The following NCAN variants were observed in gnomAD, a reference collection of about 807,000 sequenced individuals.
NCAN encodes the protein neurocan.
NCAN carries 47 observed loss-of-function variants against 121.8 expected under a neutral mutation model. The ratio of observed to expected loss-of-function variants is 0.39; its 90% CI spans 0.31 to 0.49. NCAN has a LOEUF of 0.49. Ranked by LOEUF, NCAN falls within the 20% of genes least tolerant of loss-of-function variation. The probability of loss-of-function intolerance (pLI) is 0.92; values close to 1 mark genes in which losing one functional copy is unlikely to be tolerated. For synonymous variants in NCAN, 633 were observed against 702.0 expected (o/e 0.90, Z 1.55); for missense variants, 1,517 against 1,773.4 (o/e 0.86, Z 2.60).
intron 12 of NCAN, among the ~76,000 whole-genome samples, chr19:19,244,028 A>G (rs1038297317): frequency 2.6e-5 from 4 of 152,200 alleles, no homozygotes; most frequent in Non-Finnish European, 5.9e-5. Context: ...AAACAAAACA[A>G]AACAAAACAA....
At chr19:19,228,740 G>A in intron 8 of NCAN, 101 bp downstream of exon 8, 1 of 1,330,094 alleles carries the variant, frequency 7.5e-7, no homozygotes, top group Non-Finnish European at 1.0e-6. Context: ...TTGTCCCTGG[G>A]GATCTGGAAG....
In NCAN at chr19:19,242,777, C is replaced by T. The variant is rs139848529; in HGVS notation, c.3492+2092C>T. Among the ~76,000 whole-genome samples, 91 of 152,304 alleles carry T rather than the reference C, an allele frequency of 6.0e-4. 1 individual carries two copies. Among genetic ancestry groups the T allele is most frequent in the African/African-American group, 1.9e-3 (79 of 41,572 alleles). On this transcript the variant is annotated intron_variant, in intron 12 of 14. Coordinates refer to ENST00000252575, the MANE Select transcript of NCAN (RefSeq NM_004386.3). Reference sequence around the variant, plus strand: ...CCAAGGTGGGAACATCCAAAATACCCATCAACAGATGAAGGAAGAGACAAA... The same window carrying T: ...CCAAGGTGGGAACATCCAAAATACCTATCAACAGATGAAGGAAGAGACAAA...
chr19:19,241,074 G>A (rs2060901732), intron 12 of NCAN, among the ~76,000 whole-genome samples: 1 of 151,886 alleles, frequency 6.6e-6, no homozygotes, highest in South Asian at 2.1e-4. Context: ...TGGCCAACAT[G>A]GTGAAACCCC....
rs1411747925 is a variant in NCAN, at chr19:19,212,035, GC to G, written c.-33del. ...GCAGCGTCCTTTGTGCCCGGCGGCCGCCCCGGGATGCGTCCGAGCTAGGAGC... is the reference window on the plus strand; with the variant it reads ...GCAGCGTCCTTTGTGCCCGGCGGCCGCCCGGGATGCGTCCGAGCTAGGAGC... On this transcript the variant is annotated 5_prime_UTR_variant, in exon 1 of 15. Coordinates refer to ENST00000252575, the MANE Select transcript of NCAN (RefSeq NM_004386.3). This position sits in a 1 kb window ranked among gnomAD's most constrained non-coding sequence, Gnocchi z 4.5. The G allele has an allele frequency of 2.3e-5, 5 of 212,962 alleles. No homozygotes were observed. Among genetic ancestry groups the G allele is most frequent in the South Asian group, 4.3e-5 (1 of 23,224 alleles). The allele number at this position is 212,962 out of a possible 1,614,324, so 13.2% of individuals were successfully genotyped here.
In NCAN at chr19:19,212,905, C is replaced by T. The variant is rs1374589525; in HGVS notation, c.-8+841C>T. Among the ~76,000 whole-genome samples the T allele has an allele frequency of 1.3e-5, 2 of 152,188 alleles. No homozygotes were observed. The highest frequency in any genetic ancestry group is 2.4e-5 in the African/African-American group (1 of 41,452). ...CACGTCCTTACAGCATGACACAGAC[C>T]CCTACCCCCACCCCCTTTAGTTCCA... On this transcript the variant is annotated intron_variant, in intron 1 of 14. Coordinates refer to ENST00000252575, the MANE Select transcript of NCAN (RefSeq NM_004386.3). The surrounding 1 kb of genome is among the most constrained non-coding windows in gnomAD (Gnocchi z 4.5).
rs1442036650 is a variant in NCAN, at chr19:19,238,282, A to G, written c.3280A>G (p.Lys1094Glu). ...CGAGGGCTGTGACCGCGGCTGGCAT[A>G]AGTTCCAGGGCCACTGTTACCGCTA... The part of the protein sequence containing the change: ...DTEGCDRGWH[K>E]FQGHCYRYFA... The change falls in exon 11 of 15, where the codon AAG becomes GAG. Residue 1094 changes from lysine to glutamate, a missense_variant. Physicochemically the swap from Lys to Glu is moderately conservative, Grantham distance 56. Transcript: ENST00000252575. 1.1e-5 allele frequency: 17 copies of G among 1,614,024 alleles called. No homozygotes were observed. The highest frequency in any genetic ancestry group is 1.4e-5 in the Non-Finnish European group (17 of 1,180,022).
chr19:19,219,145 A>G lies in NCAN; in HGVS notation c.304A>G (p.Arg102Gly). 1 of 1,613,886 alleles carries G rather than the reference A, an allele frequency of 6.2e-7. No individual in the cohort carries two copies. Among genetic ancestry groups the G allele is most frequent in the Middle Eastern group, 1.6e-4 (1 of 6,062 alleles). ...CCTGGTGGCCAAGGACAATGTCGTG[A>G]GGGTGGCCAAAAGCTGGCAGGGACG... ...PILVAKDNVV[R>G]VAKSWQGRVS... The change falls in exon 3 of 15, where the codon AGG becomes GGG. Residue 102 changes from arginine (R) to glycine (G), a missense_variant. Arg to Gly is a moderately radical substitution (Grantham distance 125). Coordinates refer to ENST00000252575, the MANE Select transcript of NCAN (RefSeq NM_004386.3).
chr19:19,242,344 G>C (rs2060906148), intron 12 of NCAN, among the ~76,000 whole-genome samples: 1 of 151,700 alleles, frequency 6.6e-6, no homozygotes, highest in Non-Finnish European at 1.5e-5. Context: ...AGCTATGATT[G>C]CACCACTGCA....
intron 3 of NCAN, among the ~76,000 whole-genome samples, chr19:19,221,100 T>C (rs1392934831): frequency 6.6e-6 from 1 of 151,146 alleles, no homozygotes; most frequent in Non-Finnish European, 1.5e-5. Context: ...ATTAGCCAGG[T>C]ATGATGGTGT....
At chr19:19,238,171 C>T (rs761386766) in intron 10 of NCAN, 82 bp from the exon 11 acceptor site, 95 of 1,582,230 alleles carry the variant, frequency 6.0e-5, no homozygotes, top group Non-Finnish European at 7.1e-5. Context: ...TGGGCCCTCT[C>T]TCTGGTGGGC....
intron 1 of NCAN, among the ~76,000 whole-genome samples, chr19:19,213,540 C>T (rs1028307833): frequency 1.4e-5 from 2 of 144,580 alleles, no homozygotes; most frequent in Non-Finnish European, 3.0e-5. Context: ...GGGTGTGTGT[C>T]TTTGTGCAGA....
Position 19,219,341 on chromosome 19 carries a change from CG to C in NCAN, c.475+30del, listed in dbSNP as rs1568594335. 9 of 1,447,812 alleles carry C rather than the reference CG, an allele frequency of 6.2e-6. No individual in the cohort carries two copies. The East Asian group carries it at 1.5e-4, about 24-fold the overall frequency. The allele number at this position is 1,447,812 out of a possible 1,614,324, so 89.7% of individuals were successfully genotyped here. Reference sequence around the variant, plus strand: ...GGTCAGTTGGGGGCAAAGGAGGGGCCGGGGGCCGGGGAGAGGGAGGGCTGAG... The same window carrying C: ...GGTCAGTTGGGGGCAAAGGAGGGGCCGGGGCCGGGGAGAGGGAGGGCTGAG... On this transcript the variant is annotated intron_variant, in intron 3 of 14. Coordinates refer to ENST00000252575, the MANE Select transcript of NCAN (RefSeq NM_004386.3).
intron 5 of NCAN, 40 bp downstream of exon 5, chr19:19,224,473 C>CT (rs2060827929): frequency 6.3e-7 from 1 of 1,598,560 alleles, no homozygotes; most frequent in Admixed American, 1.7e-5. Flanking sequence ...CTCCGCCTCT[C>CT]TTTGAGTATC....
Position 19,227,154 on chromosome 19 carries a change from T to A in NCAN, c.1660+81T>A. 3 of 1,490,646 alleles carry A rather than the reference T, an allele frequency of 2.0e-6. No homozygotes were observed. Among genetic ancestry groups the A allele is most frequent in the Non-Finnish European group, 2.7e-6 (3 of 1,121,498 alleles). The allele number at this position is 1,490,646 out of a possible 1,614,324, so 92.3% of individuals were successfully genotyped here. On this transcript the variant is annotated intron_variant, in intron 7 of 14. Transcript: ENST00000252575. This position sits in a 1 kb window ranked among gnomAD's most constrained non-coding sequence, Gnocchi z 4.2. The stretch of plus-strand genomic sequence containing the variant: ...GAGGTAGCCATGGCTACACTCAGAA[T>A]GAGGGAGGAAGCTCCAAATCCCAGC...
chr19:19,242,100 C>T (rs1001781186), intron 12 of NCAN, among the ~76,000 whole-genome samples: 1 of 151,936 alleles, frequency 6.6e-6, no homozygotes, highest in African/African-American at 2.4e-5. Context: ...GAGGCTGAGG[C>T]AGGAGAATCA....
intron 12 of NCAN, among the ~76,000 whole-genome samples, chr19:19,241,727 C>T (rs920643790): frequency 4.0e-5 from 6 of 151,750 alleles, no homozygotes; most frequent in African/African-American, 9.7e-5. Flanking sequence ...CATGACCCAG[C>T]GATTCTACTA....
Position 19,228,537 on chromosome 19 carries a change from G to T in NCAN, c.2917G>T (p.Val973Phe). The change falls in exon 8 of 15, where the codon GTC (valine) becomes TTC (phenylalanine). Residue 973 changes from valine to phenylalanine, a missense_variant. Physicochemically the swap from Val to Phe is conservative, Grantham distance 50 (BLOSUM62 -1). Transcript: ENST00000252575. ...GGGCATAGAGGACTTCGAACTGGAG[G>T]TCCTGGCAGGGAGCCCGGGTGTAGA... ...TLGIEDFELE[V>F]LAGSPGVESF... The T allele has an allele frequency of 6.2e-7, 1 of 1,613,338 alleles. No individual in the cohort carries two copies. Among genetic ancestry groups the T allele is most frequent in the Non-Finnish European group, 8.5e-7 (1 of 1,180,026 alleles).
In NCAN at chr19:19,232,089, T is replaced by C. The variant is rs549280422; in HGVS notation, c.3020-1700T>C. 2.0e-5 allele frequency among the ~76,000 whole-genome samples: 3 copies of C among 151,548 alleles called. No individual in the cohort carries two copies. In the South Asian group the frequency reaches 6.3e-4, roughly 32 times the overall value. On this transcript the variant is annotated intron_variant, in intron 8 of 14. Transcript: ENST00000252575. ...GGAAGAAGCTCAATGCCCAAAGAAA[T>C]AGAGAAGGGGCAGTCAGAGAGGTGG...
At chr19:19,236,775 G>A (rs1312529841) in intron 10 of NCAN, among the ~76,000 whole-genome samples, 1 of 150,662 alleles carries the variant, frequency 6.6e-6, no homozygotes. Flanking sequence ...TGCCCAGGCT[G>A]GAAAGTACAG....
Sources: allele counts gnomAD v4.1 joint callset (sites outside exome capture counted in the v4.1 genomes callset), GRCh38; gene constraint gnomAD v4.1.1; non-coding constraint Gnocchi (gnomAD v3.1); transcripts MANE v1.5; gene names NCBI Gene and HGNC (gene_info 2026-07-23, HGNC 2026-07-21).